The following ARMCX4 variants were observed in gnomAD, a reference collection of about 807,000 sequenced individuals.
ARMCX4 encodes the protein armadillo repeat containing X-linked 4.
ARMCX4 carries 3 observed loss-of-function variants against 34.7 expected under a neutral mutation model. The observed-to-expected ratio is 0.09, with a 90% confidence interval of 0.04 to 0.22. The LOEUF (loss-of-function observed/expected upper bound fraction) is 0.22, where lower values mean the gene tolerates loss of function less well. Among genes scored for constraint, ARMCX4 ranks in the 10% least tolerant of loss-of-function variants. The pLI is 1.00. For synonymous variants in ARMCX4, 513 were observed against 632.8 expected, an observed-to-expected ratio of 0.81 and a Z score of 2.84; for missense variants, 1,448 against 1,720.8, an observed-to-expected ratio of 0.84 and a Z score of 2.81.
downstream of ARMCX4, among the ~76,000 whole-genome samples, chrX:101,534,616 G>A (rs782608706): frequency 2.7e-5 from 3 of 110,296 alleles, no homozygotes; most frequent in South Asian, 1.2e-3. Context: ...GGTAAAGATG[G>A]CACTTTATTT....
intron 11 of ARMCX4, among the ~76,000 whole-genome samples, chrX:101,514,234 G>A (rs1250493472): frequency 9.0e-6 from 1 of 110,895 alleles, no homozygotes; most frequent in Non-Finnish European, 1.9e-5. Context: ...AAAAATTTTG[G>A]TAGTGAAACA....
In ARMCX4 at chrX:101,490,931, G is replaced by C. The variant is rs1051307218; in HGVS notation, c.2342G>C (p.Gly781Ala). The C allele has an allele frequency of 3.5e-6, 4 of 1,153,405 alleles. No homozygotes were observed. The African/African-American group carries it at 7.2e-5, about 21-fold the overall frequency. ...AATGCTGTGTCTAAGGCAGAAGCTG[G>C]GATGGGTGCAACAGGCTCTGTCCAG... ...NLNAVSKAEAGMGATGSVQPQ... is the reference protein window; with the variant it reads ...NLNAVSKAEAAMGATGSVQPQ... Residue 781 changes from glycine to alanine, a missense_variant, in exon 6 of 6, where the codon GGG becomes GCG. By Grantham distance (60) the Gly-to-Ala change is moderately conservative. This residue lies in a region of ARMCX4 where 1,343 missense variants were observed against 1,540.7 expected (regional missense o/e 0.87). Coordinates refer to ENST00000423738, the MANE Select transcript of ARMCX4 (RefSeq NM_001256155.3).
intron 7 of ARMCX4, among the ~76,000 whole-genome samples, chrX:101,504,394 C>G (rs915763098): frequency 9.1e-6 from 1 of 109,622 alleles, no homozygotes; most frequent in Non-Finnish European, 1.9e-5. Context: ...GCCATTTTCA[C>G]GATATTGATT....
chrX:101,516,423 A>G (rs1934746193), intron 11 of ARMCX4: 1 of 111,870 alleles, frequency 8.9e-6, no homozygotes, highest in Non-Finnish European at 1.9e-5. Context: ...TTATCAATAA[A>G]ATAATAAAAA....
chrX:101,436,383 G>C (rs1232667241), intron 2 of ARMCX4, among the ~76,000 whole-genome samples: 16 of 110,189 alleles, frequency 1.5e-4, no homozygotes, highest in Admixed American at 1.4e-3. Context: ...TGGATTCCTA[G>C]GTATTTTATT....
upstream of ARMCX4, among the ~76,000 whole-genome samples, chrX:101,484,329 T>C (rs1304527821): frequency 1.8e-5 from 2 of 111,798 alleles, no homozygotes; most frequent in Non-Finnish European, 3.8e-5. Flanking sequence ...ACCTGTTAAG[T>C]CTCCTTTCCA....
chrX:101,437,991 T>G (rs1555995487), intron 2 of ARMCX4, among the ~76,000 whole-genome samples: 1 of 111,976 alleles, frequency 8.9e-6, no homozygotes, highest in Non-Finnish European at 1.9e-5. Flanking sequence ...TCTAGTTTGA[T>G]TGCACTGTGG....
At chrX:101,485,880 G>T (rs1427521684) in intron 1 of ARMCX4, 143 bp from the exon 2 acceptor site, 2 of 111,626 alleles carry the variant, frequency 1.8e-5, no homozygotes, top group African/African-American at 6.5e-5. Flanking sequence ...TGGACGGTGG[G>T]GTTGGTAAGG....
At chrX:101,535,089 T>C (rs16984360), downstream of ARMCX4, among the ~76,000 whole-genome samples, 3,969 of 111,466 alleles carry the variant, frequency 0.036, 187 homozygotes, top group African/African-American at 0.12. Context: ...TTGCACATTA[T>C]TGATAGAAAC....
At chrX:101,426,313 T>G (rs541011579) in intron 2 of ARMCX4, among the ~76,000 whole-genome samples, 4 of 111,678 alleles carry the variant, frequency 3.6e-5, no homozygotes, top group African/African-American at 1.3e-4. Context: ...CAAGAGCATC[T>G]CTGTCTTAAT....
chrX:101,443,750 A>G, intron 2 of ARMCX4: 1 of 300,862 alleles, frequency 3.3e-6, no homozygotes, highest in South Asian at 3.5e-5. Flanking sequence ...AAAGTGCTCC[A>G]TGGCTTCCAC....
chrX:101,490,761 C>T lies in ARMCX4; in HGVS notation c.2172C>T (p.Ala724=). 1 of 1,151,008 alleles carries T rather than the reference C, an allele frequency of 8.7e-7. No homozygotes were observed. The highest frequency in any genetic ancestry group is 1.9e-5 in the South Asian group (1 of 52,257). 94.9% of individuals were successfully genotyped at this position (1,151,008 alleles called of 1,213,427 possible). A position where few individuals can be genotyped will look rare whatever the true frequency, so the allele number is the denominator to read the frequency against. The part of the protein sequence containing the change: ...ANSQGEVLPG[A]KNKIRGNPTT... ...CCCAGGGTGAGGTCTTGCCTGGTGCCAAGAATAAGATCAGAGGCAATCCCA... is the reference window on the plus strand; with the variant it reads ...CCCAGGGTGAGGTCTTGCCTGGTGCTAAGAATAAGATCAGAGGCAATCCCA... The change falls in exon 6 of 6, where the codon GCC becomes GCT. Residue 724 remains alanine, a synonymous_variant. Coordinates refer to ENST00000423738, the MANE Select transcript of ARMCX4 (RefSeq NM_001256155.3).
intron 4 of ARMCX4, among the ~76,000 whole-genome samples, chrX:101,454,429 C>G (rs782282448): frequency 5.5e-5 from 6 of 108,320 alleles, no homozygotes; most frequent in Non-Finnish European, 3.8e-5. Flanking sequence ...GTGCCTGCCA[C>G]CACGCCCAGC....
intron 3 of ARMCX4, among the ~76,000 whole-genome samples, chrX:101,445,047 A>G (rs1931541511): frequency 8.9e-6 from 1 of 112,287 alleles, no homozygotes; most frequent in Non-Finnish European, 1.9e-5. Context: ...GCTTTATTTG[A>G]GATTAAATTT....
rs1202724370 is a variant in ARMCX4, at chrX:101,486,068, G to A, written c.-391G>A. The A allele has an allele frequency of 9.0e-6, 1 of 111,536 alleles. No homozygotes were observed. Among genetic ancestry groups the A allele is most frequent in the Admixed American group, 9.5e-5 (1 of 10,503 alleles). 9.2% of individuals were successfully genotyped at this position (111,536 alleles called of 1,213,427 possible). Reference sequence around the variant, plus strand: ...TGCGGCGAGGAGAAAGGAAGGAGAGGAGAAAACTGCACTGGATCAAGGAGG... The same window carrying A: ...TGCGGCGAGGAGAAAGGAAGGAGAGAAGAAAACTGCACTGGATCAAGGAGG... On this transcript the variant is annotated 5_prime_UTR_variant, in exon 2 of 6. Coordinates refer to ENST00000423738, the MANE Select transcript of ARMCX4 (RefSeq NM_001256155.3).
intron 4 of ARMCX4, among the ~76,000 whole-genome samples, chrX:101,459,915 A>G (rs781850153): frequency 4.5e-5 from 5 of 112,200 alleles, no homozygotes; most frequent in Non-Finnish European, 9.4e-5. Context: ...AAAGTTCAGC[A>G]TGCATCATCT....
At chrX:101,457,201 A>G (rs1556000380) in intron 4 of ARMCX4, among the ~76,000 whole-genome samples, 1 of 112,107 alleles carries the variant, frequency 8.9e-6, no homozygotes, top group African/African-American at 3.2e-5. Context: ...TTTGCTTCCT[A>G]GTTTCCTGTA....
intron 2 of ARMCX4, among the ~76,000 whole-genome samples, chrX:101,443,178 TA>T (rs1931418606): frequency 2.7e-5 from 3 of 109,894 alleles, no homozygotes; most frequent in African/African-American, 9.9e-5. Flanking sequence ...TAAACAGTAT[TA>T]AAAGGTGTAG....
At chrX:101,442,908 G>A (rs928722123) in intron 2 of ARMCX4, among the ~76,000 whole-genome samples, 20 of 110,702 alleles carry the variant, frequency 1.8e-4, no homozygotes, top group African/African-American at 4.6e-4. Context: ...TGAGGCGGGC[G>A]GATCACGAGG....
Sources: allele counts gnomAD v4.1 joint callset (sites outside exome capture counted in the v4.1 genomes callset), GRCh38; gene constraint gnomAD v4.1.1; regional missense constraint gnomAD v4.1.1; transcripts MANE v1.5; gene names NCBI Gene and HGNC (gene_info 2026-07-23, HGNC 2026-07-21).